PTAR1: variants seen among roughly 807,000 people sequenced by gnomAD.
PTAR1 encodes the protein protein prenyltransferase alpha subunit repeat containing 1, also known as protein prenyltransferase alpha subunit repeat-containing protein 1.
Under a neutral mutation model 45.5 loss-of-function variants are expected in PTAR1, and 17 were observed. The ratio of observed to expected loss-of-function variants is 0.37; its 90% CI spans 0.26 to 0.56. PTAR1 has a LOEUF of 0.56. PTAR1 is among the 20% of genes least tolerant of loss of function. PTAR1 has a pLI of 0.77. For synonymous variants in PTAR1, 169 were observed against 171.3 expected, an observed-to-expected ratio of 0.99 and a Z score of 0.11; for missense variants, 391 against 476.3, an observed-to-expected ratio of 0.82 and a Z score of 1.67.
At chr9:69,748,484 A>G (rs1826376748) in intron 2 of PTAR1, among the ~76,000 whole-genome samples, 2 of 152,130 alleles carry the variant, frequency 1.3e-5, no homozygotes, top group Non-Finnish European at 2.9e-5. Context: ...CAGGTTAATG[A>G]AAACAAGAAT....
chr9:69,735,988 A>G (rs1320410385), intron 3 of PTAR1, among the ~76,000 whole-genome samples: 1 of 151,386 alleles, frequency 6.6e-6, no homozygotes, highest in African/African-American at 2.4e-5. Context: ...TGCAACAGCC[A>G]ATTGCTTTTG....
intron 3 of PTAR1, among the ~76,000 whole-genome samples, chr9:69,736,106 C>A (rs137951298): frequency 0.014 from 2,178 of 152,076 alleles, 29 homozygotes; most frequent in Middle Eastern, 0.031. Context: ...TAATTTTAAC[C>A]ACGTTTGAAA....
chr9:69,731,800 C>T (rs932239661), intron 5 of PTAR1: 16 of 250,026 alleles, frequency 6.4e-5, no homozygotes, highest in Admixed American at 4.6e-4. Flanking sequence ...TGTCACATAA[C>T]CAAACACTAC....
chr9:69,715,610 A>C lies in PTAR1; in HGVS notation c.*2732T>G, dbSNP rs191015320. 5 of 152,248 alleles carry C rather than the reference A, an allele frequency of 3.3e-5. No homozygotes were observed. Among genetic ancestry groups the C allele is most frequent in the African/African-American group, 1.2e-4 (5 of 41,572 alleles). The allele number at this position is 152,248 out of a possible 1,614,324, so 9.4% of individuals were successfully genotyped here. On this transcript the variant is annotated 3_prime_UTR_variant, in exon 8 of 8. Coordinates refer to ENST00000340434, the MANE Select transcript of PTAR1 (RefSeq NM_001099666.2). ...TGAAAGTTTAATGAAATATGTGTCA[A>C]TAAGCCATCTTTTCCTTTTAACAAT...
At chr9:69,732,744 A>G (rs568998734) in intron 4 of PTAR1, among the ~76,000 whole-genome samples, 454 of 152,242 alleles carry the variant, frequency 3.0e-3, no homozygotes, top group Non-Finnish European at 5.3e-3. Context: ...GTCATGATTC[A>G]CATCTTTAAG....
chr9:69,732,690 G>A (rs952452175), intron 4 of PTAR1, among the ~76,000 whole-genome samples: 2 of 152,066 alleles, frequency 1.3e-5, no homozygotes, highest in Admixed American at 6.6e-5. Context: ...GTGTGTGGTC[G>A]TGGTGAGAGG....
intron 3 of PTAR1, among the ~76,000 whole-genome samples, chr9:69,734,601 A>G (rs576586414): frequency 1.3e-5 from 2 of 152,258 alleles, no homozygotes; most frequent in Non-Finnish European, 2.9e-5. Context: ...GTGAGACCTG[A>G]TATCGTACCT....
chr9:69,736,925 G>A (rs867551326), intron 3 of PTAR1, among the ~76,000 whole-genome samples: 2 of 152,214 alleles, frequency 1.3e-5, no homozygotes, highest in African/African-American at 4.8e-5. Context: ...ATCACCTGAT[G>A]GAATCAAGCA....
At chr9:69,738,968 C>T (rs181291412) in intron 3 of PTAR1, among the ~76,000 whole-genome samples, 9 of 152,080 alleles carry the variant, frequency 5.9e-5, no homozygotes, top group Non-Finnish European at 8.8e-5. Flanking sequence ...CTGACACGCA[C>T]GGCTAATTTT....
chr9:69,753,964 G>T (rs1273702253), intron 1 of PTAR1, among the ~76,000 whole-genome samples: 1 of 152,176 alleles, frequency 6.6e-6, no homozygotes, highest in Non-Finnish European at 1.5e-5. Flanking sequence ...TCCACCAGTA[G>T]AGTTCATTGG....
At chr9:69,751,726 T>C (rs1215524274) in intron 1 of PTAR1, among the ~76,000 whole-genome samples, 1 of 152,088 alleles carries the variant, frequency 6.6e-6, no homozygotes, top group Admixed American at 6.6e-5. Flanking sequence ...ATCAGTGAGA[T>C]TTTGGGCCAT....
At position 69,732,147 on chromosome 9, in the gene PTAR1, C is replaced by CTAGCACTTGACATCTAGCACT; in HGVS notation, c.633_634insAGTGCTAGATGTCAAGTGCTA (p.Leu211_Asp212insSerAlaArgCysGlnValLeu). 1 of 1,611,848 alleles carries CTAGCACTTGACATCTAGCACT rather than the reference C, an allele frequency of 6.2e-7. No individual in the cohort carries two copies. Among genetic ancestry groups the CTAGCACTTGACATCTAGCACT allele is most frequent in the Non-Finnish European group, 8.5e-7 (1 of 1,179,010 alleles). On this transcript the variant is annotated inframe_insertion, in exon 5 of 8. Transcript: ENST00000340434. ...GACAGTAATATTCCTACCTTGACAT[C>CTAGCACTTGACATCTAGCACT]TAGCTTGGCCAAGTGCTGTAAAACC...
intron 1 of PTAR1, chr9:69,757,676 A>G (rs1826849840): frequency 6.6e-6 from 1 of 152,196 alleles, no homozygotes; most frequent in South Asian, 2.1e-4. Flanking sequence ...CAAGAAAAAC[A>G]AAAAAATTTT....
chr9:69,758,533 T>C (rs879114517), intron 1 of PTAR1: 1 of 175,364 alleles, frequency 5.7e-6, no homozygotes, highest in Non-Finnish European at 1.3e-5. Context: ...ACTCTCATTT[T>C]GAAAAAGGCA....
chr9:69,729,037 C>A (rs1825414363), intron 5 of PTAR1, among the ~76,000 whole-genome samples: 1 of 152,132 alleles, frequency 6.6e-6, no homozygotes, highest in South Asian at 2.1e-4. Context: ...TTATATTAGG[C>A]TGCTGGGTGT....
In PTAR1 at chr9:69,717,019, C is replaced by T. The variant is rs78284325; in HGVS notation, c.*1323G>A. On this transcript the variant is annotated 3_prime_UTR_variant, in exon 8 of 8. Transcript: ENST00000340434. ...GAAAGCAGACATTACATGGCCCATT[C>T]CCCACCCTCATCCCACCTACCTGAA... 1 of 152,164 alleles carries T rather than the reference C, an allele frequency of 6.6e-6. No homozygotes were observed. Among genetic ancestry groups the T allele is most frequent in the African/African-American group, 2.4e-5 (1 of 41,426 alleles). The allele number at this position is 152,164 out of a possible 1,614,324, so 9.4% of individuals were successfully genotyped here. A position where few individuals can be genotyped will look rare whatever the true frequency, so the allele number is the denominator to read the frequency against.
intron 5 of PTAR1, among the ~76,000 whole-genome samples, chr9:69,725,816 A>T (rs1189120626): frequency 6.6e-6 from 1 of 152,114 alleles, no homozygotes; most frequent in Non-Finnish European, 1.5e-5. Context: ...TAAGTGATCC[A>T]GTTAACTTTT....
At chr9:69,735,689 A>C (rs982933419) in intron 3 of PTAR1, among the ~76,000 whole-genome samples, 3 of 152,128 alleles carry the variant, frequency 2.0e-5, no homozygotes, top group African/African-American at 7.2e-5. Flanking sequence ...TTATAATAAA[A>C]TCAGATCATT....
chr9:69,746,275 G>A lies in PTAR1; in HGVS notation c.257-4417C>T, dbSNP rs1470020985. On this transcript the variant is annotated intron_variant, in intron 2 of 7. Transcript: ENST00000340434. ...CAACAACCCTCTGAGGTCTTGATTA[G>A]TATTTCCTTCTTTTGGTGTGGAAAT... Among the ~76,000 whole-genome samples, 3 of 152,204 alleles carry A rather than the reference G, an allele frequency of 2.0e-5. No homozygotes were observed. In the East Asian group the frequency reaches 5.8e-4, roughly 29 times the overall value.
Sources: allele counts gnomAD v4.1 joint callset (sites outside exome capture counted in the v4.1 genomes callset), GRCh38; gene constraint gnomAD v4.1.1; transcripts MANE v1.5; gene names NCBI Gene and HGNC (gene_info 2026-07-23, HGNC 2026-07-21).